The following RORA variants were observed in gnomAD, a reference collection of about 807,000 sequenced individuals.
The protein encoded by RORA is nuclear receptor ROR-alpha.
A neutral mutation model predicts 69.5 loss-of-function variants in RORA; 7 were observed. That is an observed-to-expected ratio of 0.10 (90% CI 0.06 to 0.19). RORA has a LOEUF of 0.19. RORA is among the 10% of genes least tolerant of loss of function. The pLI is 1.00. For missense variants in RORA, 457 were observed against 663.0 expected (o/e 0.69, Z 3.41); for synonymous variants, 261 against 240.8 (o/e 1.08, Z -0.78).
intron 1 of RORA, among the ~76,000 whole-genome samples, chr15:61,138,951 C>T (rs1402494735): frequency 6.6e-6 from 1 of 152,116 alleles, no homozygotes; most frequent in Non-Finnish European, 1.5e-5. Context: ...CGAGACCATC[C>T]TGGCTAACAG....
At chr15:60,539,816 G>C (rs964188718) in intron 2 of RORA, among the ~76,000 whole-genome samples, 43 of 152,034 alleles carry the variant, frequency 2.8e-4, no homozygotes, top group African/African-American at 9.7e-4. Context: ...TGATATCAAG[G>C]GCTAAGATAA....
chr15:60,808,401 A>C (rs565865973), intron 1 of RORA, among the ~76,000 whole-genome samples: 1 of 152,258 alleles, frequency 6.6e-6, no homozygotes, highest in South Asian at 2.1e-4. Flanking sequence ...TAATAAAAAA[A>C]ATTTAAAAAA....
chr15:60,920,734 T>C (rs561192981), intron 1 of RORA, among the ~76,000 whole-genome samples: 2 of 152,358 alleles, frequency 1.3e-5, no homozygotes, highest in East Asian at 3.9e-4. Context: ...GTACACCAAA[T>C]GTGAAGATGA....
intron 1 of RORA, among the ~76,000 whole-genome samples, chr15:61,063,824 G>A (rs970787382): frequency 3.3e-5 from 5 of 152,190 alleles, no homozygotes; most frequent in African/African-American, 7.2e-5. Context: ...CAGGTTTCCT[G>A]TGAAAATGGT....
At chr15:60,630,888 C>CTTTTTTTT (rs542275787) in intron 2 of RORA, among the ~76,000 whole-genome samples, 39,014 of 107,964 alleles carry the variant, frequency 0.36, 8,305 homozygotes, top group East Asian at 0.52. Context: ...ATGAGACTTT[C>CTTTTTTTT]TTTTTTTTTT....
At chr15:60,506,347 A>G (rs2065500659) in intron 5 of RORA, among the ~76,000 whole-genome samples, 1 of 152,202 alleles carries the variant, frequency 6.6e-6, no homozygotes, top group African/African-American at 2.4e-5. Context: ...AGGATTACTT[A>G]GAATGTGCTA....
rs538295491 is a variant in RORA at position 60,547,225 on chromosome 15, A to T, written c.197-15374T>A. Among the ~76,000 whole-genome samples, 10 of 152,030 alleles carry T rather than the reference A, an allele frequency of 6.6e-5. No individual in the cohort carries two copies. The South Asian group carries it at 2.1e-3, about 32-fold the overall frequency. ...ATGAGGATTGAGCGTCAAAGTTCTT[A>T]TGTTGTCATTGCCCCAAACTACTTG... On this transcript the variant is annotated intron_variant, in intron 2 of 10. Transcript: ENST00000335670.
intron 1 of RORA, among the ~76,000 whole-genome samples, chr15:60,763,406 G>T (rs2071929758): frequency 6.6e-6 from 1 of 152,236 alleles, no homozygotes; most frequent in Non-Finnish European, 1.5e-5. Context: ...AAGAAAAAAA[G>T]TTCCCTTAAG....
At chr15:61,089,050 G>A (rs1338956220) in intron 1 of RORA, among the ~76,000 whole-genome samples, 2 of 152,154 alleles carry the variant, frequency 1.3e-5, no homozygotes, top group Admixed American at 1.3e-4. Flanking sequence ...GAACCATTGG[G>A]AGTGTAAAAC....
At chr15:61,120,117 T>A (rs1223374905) in intron 1 of RORA, among the ~76,000 whole-genome samples, 3 of 152,178 alleles carry the variant, frequency 2.0e-5, no homozygotes, top group Non-Finnish European at 2.9e-5. Flanking sequence ...TGGCTGCCCA[T>A]TAGAATCATC....
At chr15:61,159,570 C>T (rs1287132178) in intron 1 of RORA, among the ~76,000 whole-genome samples, 3 of 152,026 alleles carry the variant, frequency 2.0e-5, no homozygotes, top group Non-Finnish European at 4.4e-5. Context: ...AAGCTTGTCA[C>T]GGAGGATATT....
rs968856635 is a variant in RORA at position 61,013,126 on chromosome 15, T to A, written c.166+215927A>T. 9.9e-5 allele frequency among the ~76,000 whole-genome samples: 15 copies of A among 152,222 alleles called. 1 individual carries two copies. Among genetic ancestry groups the A allele is most frequent in the African/African-American group, 3.6e-4 (15 of 41,454 alleles). On this transcript the variant is annotated intron_variant, in intron 1 of 10. Transcript: ENST00000335670. ...TTCTCGTTCCAGACACATTGTTTAT[T>A]CATTCAGTTGCATAGGATAAGTCAC... is the stretch of plus-strand genomic sequence containing the variant.
In RORA at chr15:60,534,722, G is replaced by A. The variant is rs1436489963; in HGVS notation, c.197-2871C>T. 6.6e-6 allele frequency among the ~76,000 whole-genome samples: 1 copy of A among 151,984 alleles called. No individual in the cohort carries two copies. Among genetic ancestry groups the A allele is most frequent in the Non-Finnish European group, 1.5e-5 (1 of 68,010 alleles). The stretch of plus-strand genomic sequence containing the variant: ...AATTTCAGTTGCAAATGCACTTTAG[G>A]AAATGACTAAAATCCTCCTACTCCA... On this transcript the variant is annotated intron_variant, in intron 2 of 10. Transcript: ENST00000335670. This position sits in a 1 kb window ranked among gnomAD's most constrained non-coding sequence, Gnocchi z 5.0.
chr15:61,020,982 G>A (rs191767891), intron 1 of RORA, among the ~76,000 whole-genome samples: 15 of 152,240 alleles, frequency 9.9e-5, no homozygotes, highest in Admixed American at 3.3e-4. Context: ...TCCACATAAC[G>A]TGAATTCTGG....
chr15:60,993,043 T>G (rs575447518), intron 1 of RORA, among the ~76,000 whole-genome samples: 1 of 152,302 alleles, frequency 6.6e-6, no homozygotes, highest in South Asian at 2.1e-4. Context: ...TCTGCCATAC[T>G]TACTTGTCCT....
intron 1 of RORA, among the ~76,000 whole-genome samples, chr15:61,115,911 AGCTACGT>A (rs1308550690): frequency 6.6e-6 from 1 of 152,176 alleles, no homozygotes; most frequent in Non-Finnish European, 1.5e-5. Flanking sequence ...CAGAGAGGAA[AGCTACGT>A]GGGTAGGGCA....
rs183177997 is a variant in RORA, at chr15:61,151,936, T to C, written c.166+77117A>G. Reference sequence around the variant, plus strand: ...TTTGTCTTGCCACTCGCCAGGCCCATATCACAAAGAGGGCCCACTGTGCTC... The same window carrying C: ...TTTGTCTTGCCACTCGCCAGGCCCACATCACAAAGAGGGCCCACTGTGCTC... On this transcript the variant is annotated intron_variant, in intron 1 of 10. Transcript: ENST00000335670. 3.3e-5 allele frequency among the ~76,000 whole-genome samples: 5 copies of C among 152,286 alleles called. No homozygotes were observed. The East Asian group carries it at 7.7e-4, about 24-fold the overall frequency.
At chr15:60,866,820 T>TATCTATC (rs2073493265) in intron 1 of RORA, among the ~76,000 whole-genome samples, 46 of 146,680 alleles carry the variant, frequency 3.1e-4, no homozygotes, top group African/African-American at 1.1e-3. Context: ...TATCTTATCT[T>TATCTATC]TATCTATCTA....
intron 1 of RORA, among the ~76,000 whole-genome samples, chr15:61,068,419 T>A (rs2078294701): frequency 6.6e-6 from 1 of 152,204 alleles, no homozygotes; most frequent in African/African-American, 2.4e-5. Context: ...GTGTTTCCTC[T>A]GATATTACGG....
Sources: allele counts gnomAD v4.1 joint callset (sites outside exome capture counted in the v4.1 genomes callset), GRCh38; gene constraint gnomAD v4.1.1; non-coding constraint Gnocchi (gnomAD v3.1); transcripts MANE v1.5; gene names NCBI Gene and HGNC (gene_info 2026-07-23, HGNC 2026-07-21).